Variants in KMT2E observed in about 807,000 individuals in gnomAD.
KMT2E encodes the protein lysine methyltransferase 2E (inactive), also known as histone reader KMT2E.
KMT2E carries 30 observed loss-of-function variants against 184.6 expected under a neutral mutation model. The ratio of observed to expected loss-of-function variants is 0.16; its 90% confidence interval spans 0.12 to 0.22. The LOEUF (loss-of-function observed/expected upper bound fraction) is 0.22. Ranked by LOEUF, KMT2E falls within the 10% of genes least tolerant of loss-of-function variation. The pLI is 1.00. For synonymous variants in KMT2E, 815 were observed against 776.5 expected (o/e 1.05, Z -0.82); for missense variants, 2,023 against 2,237.4 (o/e 0.90, Z 1.93).
chr7:105,031,119 G>T (rs764671289), intron 1 of KMT2E, among the ~76,000 whole-genome samples: 11 of 152,004 alleles, frequency 7.2e-5, no homozygotes, highest in Admixed American at 2.0e-4. Flanking sequence ...CACCTTGGGA[G>T]GCCAAGGTGG....
rs1799320688 is a variant in KMT2E, at chr7:105,112,084, C to T, written c.4328C>T (p.Pro1443Leu). ...PSVPTKLHCP[P>L]SPHLENPPKS... ...GTGCCAACAAAGTTGCACTGTCCTC[C>T]ATCACCTCACCTAGAAAATCCTCCA... The change falls in exon 27 of 27, where the codon CCA (proline) becomes CTA (leucine). Residue 1443 changes from proline to leucine, a missense_variant. Physicochemically the swap from Pro to Leu is moderately conservative, Grantham distance 98. This residue lies in a region of KMT2E where 1,108 missense variants were observed against 1,050.9 expected (regional missense o/e 1.05). Transcript: ENST00000311117. The T allele has an allele frequency of 5.6e-6, 9 of 1,614,164 alleles. No homozygotes were observed. In the East Asian group the frequency reaches 2.0e-4, roughly 36 times the overall value.
chr7:105,054,457 TGTC>T, intron 3 of KMT2E, among the ~76,000 whole-genome samples: 2 of 85,830 alleles, frequency 2.3e-5, no homozygotes, highest in African/African-American at 8.7e-5. Context: ...TCTGTCTGTC[TGTC>T]TATCTATCTA....
At chr7:105,105,093 AG>A in intron 17 of KMT2E, 1 of 172,340 alleles carries the variant, frequency 5.8e-6, no homozygotes, top group Non-Finnish European at 1.2e-5. Context: ...ACCTGAGCCC[AG>A]GGGGCGGAGG....
intron 3 of KMT2E, among the ~76,000 whole-genome samples, chr7:105,054,985 G>T (rs1389413107): frequency 6.6e-6 from 1 of 152,186 alleles, no homozygotes; most frequent in South Asian, 2.1e-4. Flanking sequence ...TGTGAGTGAG[G>T]ATGATGGAAG....
chr7:105,106,792 A>G lies in KMT2E; in HGVS notation c.2847+20A>G. On this transcript the variant is annotated intron_variant, in intron 20 of 26. Transcript: ENST00000311117. The stretch of plus-strand genomic sequence containing the variant: ...TTTGAGGTGAGAAATTTTAATGGAG[A>G]AAAAAAAATTCAACACTTGGGGGGA... 1.3e-6 allele frequency: 2 copies of G among 1,598,048 alleles called. No individual in the cohort carries two copies. The highest frequency in any genetic ancestry group is 1.7e-6 in the Non-Finnish European group (2 of 1,169,952).
intron 3 of KMT2E, among the ~76,000 whole-genome samples, chr7:105,043,500 T>C (rs1360219849): frequency 6.6e-6 from 1 of 152,122 alleles, no homozygotes; most frequent in African/African-American, 2.4e-5. Flanking sequence ...CCTCCCAAAG[T>C]GCTGGGATTA....
At chr7:105,060,383 A>G (rs368989131) in intron 3 of KMT2E, among the ~76,000 whole-genome samples, 1 of 151,976 alleles carries the variant, frequency 6.6e-6, no homozygotes, top group East Asian at 1.9e-4. Flanking sequence ...TGCCGTCTAC[A>G]CGTGTACCAT....
chr7:105,098,251 T>A lies in KMT2E; in HGVS notation c.1723-3174T>A, dbSNP rs967972245. ...CTTTTCCTATTTTTTTTTTTTTTTT[T>A]AGATAAAGACAGGGCCTCGCTCTGT... On this transcript the variant is annotated intron_variant, in intron 15 of 26. Transcript: ENST00000311117. 1.3e-4 allele frequency among the ~76,000 whole-genome samples: 19 copies of A among 142,232 alleles called. No homozygotes were observed. The East Asian group carries it at 1.8e-3, about 13-fold the overall frequency. 93.3% of individuals were successfully genotyped at this position (142,232 alleles called of 152,430 possible).
chr7:105,110,729 T>C, intron 25 of KMT2E, 42 bp from the exon 26 acceptor site: 5 of 1,588,678 alleles, frequency 3.1e-6, no homozygotes, highest in Non-Finnish European at 4.3e-6. Flanking sequence ...CAGTGTTTAT[T>C]GTGTAATTTT....
chr7:105,035,178 C>T (rs1477612835), intron 1 of KMT2E, among the ~76,000 whole-genome samples: 1 of 151,802 alleles, frequency 6.6e-6, no homozygotes, highest in African/African-American at 2.4e-5. Flanking sequence ...GCGCCCACCA[C>T]CAAGCCTGGC....
chr7:105,103,780 A>G (rs1798765832), intron 17 of KMT2E: 1 of 149,798 alleles, frequency 6.7e-6, no homozygotes, highest in Non-Finnish European at 1.5e-5. Context: ...GTATATATAT[A>G]TACATATGCA....
chr7:105,114,757 C>A lies in KMT2E; in HGVS notation c.*1424C>A, dbSNP rs1562941466. 6.6e-6 allele frequency among the ~76,000 whole-genome samples: 1 copy of A among 152,086 alleles called. No homozygotes were observed. The highest frequency in any genetic ancestry group is 1.5e-5 in the Non-Finnish European group (1 of 68,012). ...TTCAGTCATGTTTTTACACTTTGAA[C>A]CTCTATTTATTTCCTTTTGAAAATT... On this transcript the variant is annotated 3_prime_UTR_variant, in exon 27 of 27. Transcript: ENST00000311117.
At chr7:105,015,370 G>A (rs1467559819) in intron 1 of KMT2E, among the ~76,000 whole-genome samples, 2 of 152,164 alleles carry the variant, frequency 1.3e-5, no homozygotes, top group African/African-American at 2.4e-5. Context: ...CCTTAGTTCC[G>A]TATAGATCCG....
rs571936863 is a variant in KMT2E, at chr7:105,034,326, A to G, written c.-188-3800A>G. Among the ~76,000 whole-genome samples the G allele has an allele frequency of 5.3e-5, 8 of 152,222 alleles. No homozygotes were observed. In the East Asian group the frequency reaches 1.2e-3, roughly 22 times the overall value. On this transcript the variant is annotated intron_variant, in intron 1 of 26. Coordinates refer to ENST00000311117, the MANE Select transcript of KMT2E (RefSeq NM_182931.3). Reference sequence around the variant, plus strand: ...CAGCTTGCTGTAATCTCAAACTCCTAGGCTCAGACGATCCTCCTACCTCAA... The same window carrying G: ...CAGCTTGCTGTAATCTCAAACTCCTGGGCTCAGACGATCCTCCTACCTCAA...
chr7:105,035,185 T>C (rs995607700), intron 1 of KMT2E, among the ~76,000 whole-genome samples: 6 of 151,096 alleles, frequency 4.0e-5, no homozygotes, highest in African/African-American at 1.5e-4. Context: ...CCACCAAGCC[T>C]GGCTAATTTT....
intron 5 of KMT2E, among the ~76,000 whole-genome samples, chr7:105,065,203 C>A (rs894364802): frequency 6.6e-6 from 1 of 152,128 alleles, no homozygotes; most frequent in Non-Finnish European, 1.5e-5. Flanking sequence ...TTTACATGTT[C>A]CTACTACTTA....
intron 13 of KMT2E, among the ~76,000 whole-genome samples, chr7:105,084,016 C>T (rs971907506): frequency 2.0e-5 from 3 of 152,088 alleles, no homozygotes; most frequent in African/African-American, 7.2e-5. Flanking sequence ...TTATATAGCA[C>T]GCATGCACCC....
In KMT2E at chr7:105,112,637, C is replaced by CCCTCCT. The variant is rs1016692148; in HGVS notation, c.4887_4892dup (p.Pro1633_Pro1634dup). ...ATCAAACTGCTGCTGCCGTAGTCCCCCCTCCTCCTCCACCACCACCTGCTC... is the reference window on the plus strand; with the variant it reads ...ATCAAACTGCTGCTGCCGTAGTCCCCCCTCCTCCTCCTCCTCCACCACCACCTGCTC... On this transcript the variant is annotated inframe_insertion, in exon 27 of 27. Coordinates refer to ENST00000311117, the MANE Select transcript of KMT2E (RefSeq NM_182931.3). The CCCTCCT allele has an allele frequency of 1.2e-6, 2 of 1,613,724 alleles. No individual in the cohort carries two copies. Among genetic ancestry groups the CCCTCCT allele is most frequent in the African/African-American group, 2.7e-5 (2 of 74,776 alleles).
chr7:105,086,824 C>A (rs927557171), intron 13 of KMT2E, among the ~76,000 whole-genome samples: 3 of 144,042 alleles, frequency 2.1e-5, no homozygotes, highest in African/African-American at 7.6e-5. Flanking sequence ...AATATATATA[C>A]CACTCCACAT....
Sources: gnomAD v4.1 joint callset for allele counts (sites outside exome capture counted in the v4.1 genomes callset) on GRCh38, gnomAD v4.1.1 for gene constraint, gnomAD v4.1.1 regional missense constraint, MANE v1.5 for transcripts, NCBI Gene and HGNC (gene_info 2026-07-23, HGNC 2026-07-21) for gene names.